Variants in DLGAP2 observed in about 807,000 individuals in gnomAD.
DLGAP2 encodes the protein DLG associated protein 2.
In DLGAP2, 26 loss-of-function variants were observed where a neutral mutation model predicts 100.3. The observed-to-expected ratio is 0.26, with a 90% CI of 0.19 to 0.36. The LOEUF (loss-of-function observed/expected upper bound fraction) is 0.36, where lower values mean the gene tolerates loss of function less well. Ranked by LOEUF, DLGAP2 falls within the 10% of genes least tolerant of loss-of-function variation. The pLI is 1.00. For missense variants in DLGAP2, 1,858 were observed against 1,453.2 expected (o/e 1.28, Z -4.53); for synonymous variants, 886 against 630.1 (o/e 1.41, Z -6.08).
chr8:1,322,919 A>T (rs1177583103), intron 3 of DLGAP2, among the ~76,000 whole-genome samples: 1 of 152,108 alleles, frequency 6.6e-6, no homozygotes, highest in Non-Finnish European at 1.5e-5. Flanking sequence ...TGTCTGCCTC[A>T]CTTTGTAGAT....
chr8:1,269,793 C>G (rs1799541900), intron 3 of DLGAP2, among the ~76,000 whole-genome samples: 2 of 152,134 alleles, frequency 1.3e-5, no homozygotes, highest in African/African-American at 4.8e-5. Context: ...TTTTTAGACA[C>G]TGACATTGTA....
intron 3 of DLGAP2, among the ~76,000 whole-genome samples, chr8:1,323,019 T>C (rs932850084): frequency 2.6e-5 from 4 of 151,846 alleles, no homozygotes; most frequent in Non-Finnish European, 5.9e-5. Context: ...ATGTTGACAC[T>C]GTTAAACTCA....
At chr8:762,604 A>G (rs562831745) in intron 1 of DLGAP2, among the ~76,000 whole-genome samples, 1 of 152,070 alleles carries the variant, frequency 6.6e-6, no homozygotes, top group East Asian at 1.9e-4. Flanking sequence ...CAGCCCTACC[A>G]CGGCAGCCAC....
At chr8:1,241,075 T>C (rs563654172) in intron 2 of DLGAP2, among the ~76,000 whole-genome samples, 2 of 28,484 alleles carry the variant, frequency 7.0e-5, no homozygotes, top group South Asian at 1.7e-3. Flanking sequence ...TCTCACATGG[T>C]GACGTGTCTA....
rs572678037 is a variant in DLGAP2, at chr8:976,838, T to C, written c.73+68872T>C. 3.3e-4 allele frequency among the ~76,000 whole-genome samples: 51 copies of C among 152,314 alleles called. 1 individual carries two copies. The highest frequency in any genetic ancestry group is 6.2e-4 in the South Asian group (3 of 4,828). ...ATAAAATGCAAAACTGTAAAACTTA[T>C]AGAAGATAGCATAAAATACCTAGGT... On this transcript the variant is annotated intron_variant, in intron 2 of 14. Coordinates refer to ENST00000637795, the MANE Select transcript of DLGAP2 (RefSeq NM_001346810.2).
At chr8:1,589,491 C>T (rs1796225944) in intron 6 of DLGAP2, among the ~76,000 whole-genome samples, 1 of 152,164 alleles carries the variant, frequency 6.6e-6, no homozygotes, top group African/African-American at 2.4e-5. Context: ...GGCTGGAGTG[C>T]AGTGGGAGGA....
chr8:928,238 C>G (rs950810755), intron 2 of DLGAP2, among the ~76,000 whole-genome samples: 1 of 152,294 alleles, frequency 6.6e-6, no homozygotes, highest in African/African-American at 2.4e-5. Flanking sequence ...ACATGATTCC[C>G]TGAGGTCGAG....
intron 3 of DLGAP2, among the ~76,000 whole-genome samples, chr8:1,429,664 G>T (rs1797351720): frequency 6.6e-6 from 1 of 151,836 alleles, no homozygotes; most frequent in South Asian, 2.1e-4. Context: ...TGTCAGCACA[G>T]TTAAAACCAG....
At chr8:1,011,026 G>T (rs1801265764) in intron 2 of DLGAP2, among the ~76,000 whole-genome samples, 1 of 152,014 alleles carries the variant, frequency 6.6e-6, no homozygotes, top group South Asian at 2.1e-4. Context: ...GCCCTGGAAT[G>T]TGGGGCCTCA....
At chr8:921,448 A>G (rs528523365) in intron 2 of DLGAP2, among the ~76,000 whole-genome samples, 3 of 149,786 alleles carry the variant, frequency 2.0e-5, no homozygotes, top group Admixed American at 6.6e-5. Context: ...CGACCTCCCT[A>G]TTGCAGTGTT....
intron 3 of DLGAP2, among the ~76,000 whole-genome samples, chr8:1,389,157 G>C (rs1454707338): frequency 6.6e-6 from 1 of 152,144 alleles, no homozygotes; most frequent in Non-Finnish European, 1.5e-5. Flanking sequence ...TAAGGGTGTG[G>C]AAGTGCAGGG....
At chr8:1,688,334 T>C (rs374713010) in intron 12 of DLGAP2, 1 of 152,262 alleles carries the variant, frequency 6.6e-6, no homozygotes, top group African/African-American at 2.4e-5. Flanking sequence ...GGTGTTAAGA[T>C]GCCCGACAGA....
intron 2 of DLGAP2, among the ~76,000 whole-genome samples, chr8:1,071,219 A>T (rs1056233518): frequency 6.6e-6 from 1 of 152,302 alleles, no homozygotes; most frequent in South Asian, 2.1e-4. Flanking sequence ...TGATGATAAA[A>T]ACTGTACTTC....
intron 4 of DLGAP2, 65 bp from the exon 5 acceptor site, chr8:1,548,561 T>C: frequency 1.4e-6 from 2 of 1,394,350 alleles, no homozygotes; most frequent in Non-Finnish European, 1.9e-6. Context: ...GGGTCACATA[T>C]TCCCCGCACC....
chr8:1,315,224 C>T (rs1347458005), intron 3 of DLGAP2, among the ~76,000 whole-genome samples: 6 of 152,276 alleles, frequency 3.9e-5, no homozygotes, highest in African/African-American at 9.6e-5. Flanking sequence ...AGAGCGTGTG[C>T]AAGTACAGTG....
chr8:1,043,486 C>T (rs986191540), intron 2 of DLGAP2, among the ~76,000 whole-genome samples: 1 of 151,734 alleles, frequency 6.6e-6, no homozygotes, highest in Non-Finnish European at 1.5e-5. Context: ...ATGTGTCTAC[C>T]CTGGGGCTTC....
chr8:1,685,645 A>G (rs756192299), intron 12 of DLGAP2, among the ~76,000 whole-genome samples: 1 of 152,212 alleles, frequency 6.6e-6, no homozygotes, highest in Non-Finnish European at 1.5e-5. Flanking sequence ...CAGAGTGAAA[A>G]GACAACTCAC....
chr8:815,618 A>C (rs1203669071), intron 1 of DLGAP2, among the ~76,000 whole-genome samples: 14 of 152,252 alleles, frequency 9.2e-5, no homozygotes. Flanking sequence ...TGGTAAAGAA[A>C]ATATAAATTG....
intron 2 of DLGAP2, among the ~76,000 whole-genome samples, chr8:1,127,540 A>G (rs1027905197): frequency 3.3e-5 from 5 of 152,106 alleles, no homozygotes; most frequent in Non-Finnish European, 7.4e-5. Flanking sequence ...CATTCAGACC[A>G]CTTGGCTGAC....
Sources: allele counts gnomAD v4.1 joint callset (sites outside exome capture counted in the v4.1 genomes callset), GRCh38; gene constraint gnomAD v4.1.1; transcripts MANE v1.5; gene names NCBI Gene and HGNC (gene_info 2026-07-23, HGNC 2026-07-21).